The following PHF20L1 variants were observed in gnomAD, a reference collection of about 807,000 sequenced individuals.
PHF20L1 encodes the protein PHD finger protein 20 like 1.
A neutral mutation model predicts 125.5 loss-of-function variants in PHF20L1; 44 were observed. That is an observed-to-expected ratio of 0.35 (90% CI 0.28 to 0.45). The LOEUF is 0.45. Among genes scored for constraint, PHF20L1 ranks in the 20% least tolerant of loss-of-function variants. PHF20L1 has a pLI of 1.00. For synonymous variants in PHF20L1, 380 were observed against 403.1 expected (o/e 0.94, Z 0.69); for missense variants, 1,012 against 1,217.2 (o/e 0.83, Z 2.51).
At chr8:132,798,995 C>A in intron 5 of PHF20L1, 100 bp from the exon 6 acceptor site, 1 of 1,166,224 alleles carries the variant, frequency 8.6e-7, no homozygotes, top group Non-Finnish European at 1.2e-6. Context: ...CAAATAGCAG[C>A]AAGAAAAGGA....
chr8:132,816,424 T>C (rs950660173), intron 10 of PHF20L1: 1 of 152,206 alleles, frequency 6.6e-6, no homozygotes, highest in African/African-American at 2.4e-5. Context: ...GTAAAGTAAA[T>C]CACTAACTCT....
chr8:132,782,567 C>T (rs1586845013), intron 2 of PHF20L1, among the ~76,000 whole-genome samples: 1 of 150,802 alleles, frequency 6.6e-6, no homozygotes, highest in South Asian at 2.1e-4. Context: ...TTGCAACAAG[C>T]TGATGACACT....
chr8:132,803,890 C>T lies in PHF20L1; in HGVS notation c.579C>T (p.Thr193=). ...ACAAAACAGGGAGTAAACCTCGAACCAGCGCTAACAGCAATAAAGATAAGG... is the reference window on the plus strand; with the variant it reads ...ACAAAACAGGGAGTAAACCTCGAACTAGCGCTAACAGCAATAAAGATAAGG... The part of the protein sequence containing the change: ...AKNKTGSKPR[T]SANSNKDKDK... Residue 193 remains threonine (T), a synonymous_variant, in exon 7 of 21, where the codon ACC becomes ACT. Coordinates refer to ENST00000395386, the MANE Select transcript of PHF20L1 (RefSeq NM_016018.5). The T allele has an allele frequency of 6.2e-7, 1 of 1,610,380 alleles. No homozygotes were observed. Among genetic ancestry groups the T allele is most frequent in the South Asian group, 1.1e-5 (1 of 90,894 alleles).
chr8:132,814,958 T>TA, intron 10 of PHF20L1, 69 bp downstream of exon 10: 1 of 1,206,204 alleles, frequency 8.3e-7, no homozygotes, highest in South Asian at 1.7e-5. Flanking sequence ...TGATTGTAGT[T>TA]ATATTGTATT....
At chr8:132,833,359 A>C (rs1836985770) in intron 15 of PHF20L1, among the ~76,000 whole-genome samples, 1 of 151,966 alleles carries the variant, frequency 6.6e-6, no homozygotes, top group Non-Finnish European at 1.5e-5. Context: ...GACACTTGTG[A>C]GATTTTATTT....
At chr8:132,805,702 G>C (rs1431455254) in intron 8 of PHF20L1, among the ~76,000 whole-genome samples, 2 of 151,930 alleles carry the variant, frequency 1.3e-5, no homozygotes, top group Non-Finnish European at 2.9e-5. Flanking sequence ...TTTCTGAAGA[G>C]AGGAAGCTAA....
rs1374000933 is a variant in PHF20L1 at position 132,848,745 on chromosome 8, A to G, written c.*2822A>G. The G allele has an allele frequency of 1.3e-5, 2 of 151,760 alleles. No individual in the cohort carries two copies. Among genetic ancestry groups the G allele is most frequent in the African/African-American group, 4.8e-5 (2 of 41,382 alleles). The allele number at this position is 151,760 out of a possible 1,614,324, so 9.4% of individuals were successfully genotyped here. ...CTGTCTTATTTCCTCTCAGATGTTCATATTTCACATGTTCAAAATGAAGCG... is the reference window on the plus strand; with the variant it reads ...CTGTCTTATTTCCTCTCAGATGTTCGTATTTCACATGTTCAAAATGAAGCG... On this transcript the variant is annotated 3_prime_UTR_variant, in exon 21 of 21. Coordinates refer to ENST00000395386, the MANE Select transcript of PHF20L1 (RefSeq NM_016018.5).
intron 12 of PHF20L1, 33 bp downstream of exon 12, chr8:132,817,578 A>G (rs1835118315): frequency 1.4e-6 from 2 of 1,469,988 alleles, no homozygotes; most frequent in Admixed American, 1.9e-5. Flanking sequence ...TCCTATAAGT[A>G]GATAAGTAGC....
chr8:132,825,206 A>G lies in PHF20L1; in HGVS notation c.1637-58A>G, dbSNP rs1409005883. ...CATAAATGCTGCTTTTAGGTTAACC[A>G]CAAAGGAACAACTCAGGATCAGTCG... On this transcript the variant is annotated intron_variant, in intron 13 of 20. Transcript: ENST00000395386. 3.2e-6 allele frequency: 5 copies of G among 1,583,778 alleles called. No individual in the cohort carries two copies. The African/African-American group carries it at 4.0e-5, about 13-fold the overall frequency.
intron 18 of PHF20L1, among the ~76,000 whole-genome samples, chr8:132,840,829 T>A (rs1445061481): frequency 6.6e-6 from 1 of 152,124 alleles, no homozygotes; most frequent in African/African-American, 2.4e-5. Flanking sequence ...AATTTTTTTA[T>A]GCTTGTCTCC....
At chr8:132,821,835 A>G (rs1237202903) in intron 12 of PHF20L1, among the ~76,000 whole-genome samples, 1 of 151,840 alleles carries the variant, frequency 6.6e-6, no homozygotes, top group Non-Finnish European at 1.5e-5. Context: ...CAGCTGCCAG[A>G]TAATTTTTTT....
At chr8:132,808,896 A>G (rs1389619060) in intron 8 of PHF20L1, 1 of 150,956 alleles carries the variant, frequency 6.6e-6, no homozygotes, top group Non-Finnish European at 1.5e-5. Context: ...TTTAATATAG[A>G]GATGGGGTCT....
Position 132,848,336 on chromosome 8 carries a change from C to G in PHF20L1, c.*2413C>G, listed in dbSNP as rs568040810. 7 of 152,516 alleles carry G rather than the reference C, an allele frequency of 4.6e-5. No homozygotes were observed. In the South Asian group the frequency reaches 1.5e-3, roughly 32 times the overall value. 9.4% of individuals were successfully genotyped at this position (152,516 alleles called of 1,614,324 possible). A position where few individuals can be genotyped will look rare whatever the true frequency, so the allele number is the denominator to read the frequency against. ...TATAGAGTATACCAATCGATTGAAG[C>G]CTTTCACAAGTAGTGCGCTGAGCTT... On this transcript the variant is annotated 3_prime_UTR_variant, in exon 21 of 21. Transcript: ENST00000395386.
chr8:132,829,703 C>G (rs370534066), intron 14 of PHF20L1, among the ~76,000 whole-genome samples: 1 of 152,018 alleles, frequency 6.6e-6, no homozygotes, highest in Non-Finnish European at 1.5e-5. Context: ...TGAAATACAC[C>G]GATATCACTT....
At chr8:132,821,387 G>A (rs1037799558) in intron 12 of PHF20L1, among the ~76,000 whole-genome samples, 2 of 151,800 alleles carry the variant, frequency 1.3e-5, no homozygotes, top group Admixed American at 1.3e-4. Flanking sequence ...GTCTAAGTAT[G>A]GCAAAAAAGC....
chr8:132,841,108 C>T (rs1237170046), intron 18 of PHF20L1, among the ~76,000 whole-genome samples: 1 of 151,910 alleles, frequency 6.6e-6, no homozygotes, highest in African/African-American at 2.4e-5. Context: ...ATAATTTTGC[C>T]AAGGATTTTA....
Position 132,836,626 on chromosome 8 carries a change from A to G in PHF20L1, c.1996A>G (p.Thr666Ala). ...GDEYNQDFDS[T>A]NFEESQDEDD... ...TGAATACAATCAGGACTTTGATTCA[A>G]CCAATTTTGAGGAATCTCAGGATGA... is the stretch of plus-strand genomic sequence containing the variant. Residue 666 changes from threonine to alanine, a missense_variant, in exon 16 of 21, where the codon ACC becomes GCC. Around this residue, in one of 7 missense-constraint regions of PHF20L1, gnomAD observed 320 missense variants for 293.8 expected, o/e 1.09. Coordinates refer to ENST00000395386, the MANE Select transcript of PHF20L1 (RefSeq NM_016018.5). The G allele has an allele frequency of 1.9e-6, 3 of 1,612,580 alleles. No individual in the cohort carries two copies. Among genetic ancestry groups the G allele is most frequent in the Non-Finnish European group, 1.7e-6 (2 of 1,178,816 alleles).
Position 132,837,699 on chromosome 8 carries a change from C to G in PHF20L1, c.2092-13C>G. ...AGGATCGGGTGACTGTAATACTCCT[C>G]TGTTTTCTGCAGTGTGAAGAGTGCT... On this transcript the variant is annotated splice_polypyrimidine_tract_variant and intron_variant, in intron 16 of 20. Transcript: ENST00000395386. 6.2e-7 allele frequency: 1 copy of G among 1,600,408 alleles called. No homozygotes were observed. The highest frequency in any genetic ancestry group is 1.1e-5 in the South Asian group (1 of 90,822).
chr8:132,804,430 G>A (rs1297972156), intron 7 of PHF20L1, among the ~76,000 whole-genome samples, 185 bp from the exon 8 acceptor site: 1 of 151,592 alleles, frequency 6.6e-6, no homozygotes, highest in Non-Finnish European at 1.5e-5. Flanking sequence ...AAGAATAACT[G>A]CTTTAGTAGT....
Sources: allele counts gnomAD v4.1 joint callset (sites outside exome capture counted in the v4.1 genomes callset), GRCh38; gene constraint gnomAD v4.1.1; regional missense constraint gnomAD v4.1.1; transcripts MANE v1.5; gene names NCBI Gene and HGNC (gene_info 2026-07-23, HGNC 2026-07-21).